CPLX2: variants seen among roughly 807,000 people sequenced by gnomAD.
CPLX2 encodes the protein complexin-2.
Under a neutral mutation model 16.3 loss-of-function variants are expected in CPLX2, and 5 were observed. The observed-to-expected ratio is 0.31, with a 90% CI of 0.16 to 0.64. The LOEUF is 0.64. Ranked by LOEUF, CPLX2 falls within the 30% of genes least tolerant of loss-of-function variation. The pLI is 0.79. For missense variants in CPLX2, 144 were observed against 181.4 expected (o/e 0.79, Z 1.18); for synonymous variants, 89 against 73.2 (o/e 1.22, Z -1.10).
At chr5:175,815,974 G>A (rs1758399669) in intron 2 of CPLX2, among the ~76,000 whole-genome samples, 1 of 152,252 alleles carries the variant, frequency 6.6e-6, no homozygotes, top group South Asian at 2.1e-4. Flanking sequence ...CAGGTCTCAA[G>A]GTTATACTGT....
Position 175,830,837 on chromosome 5 carries a change from G to C in CPLX2, c.-89+21769G>C, listed in dbSNP as rs777557389. Among the ~76,000 whole-genome samples the C allele has an allele frequency of 3.6e-4, 55 of 152,340 alleles. No homozygotes were observed. The highest frequency in any genetic ancestry group is 5.4e-4 in the Non-Finnish European group (37 of 68,034). On this transcript the variant is annotated intron_variant, in intron 2 of 4. Coordinates refer to the CPLX2 transcript ENST00000359546. This position sits in a 1 kb window ranked among gnomAD's most constrained non-coding sequence, Gnocchi z 4.0. ...GCCCAGATCTGGGAAGGAGAGCAGG[G>C]AACATGTCACCTGCCAAGGGAAGCA...
intron 2 of CPLX2, among the ~76,000 whole-genome samples, chr5:175,814,787 T>C (rs1035360572): frequency 6.6e-6 from 1 of 152,158 alleles, no homozygotes; most frequent in Non-Finnish European, 1.5e-5. Context: ...TGAGGCCGGT[T>C]TTGTCCAGGT....
intron 2 of CPLX2, among the ~76,000 whole-genome samples, chr5:175,854,111 G>A (rs1265409941): frequency 6.6e-6 from 1 of 152,122 alleles, no homozygotes; most frequent in Non-Finnish European, 1.5e-5. Context: ...CCAGCTTCAT[G>A]CCCGGTGCCC....
At chr5:175,861,217 C>G (rs1759365772) in intron 2 of CPLX2, among the ~76,000 whole-genome samples, 1 of 152,088 alleles carries the variant, frequency 6.6e-6, no homozygotes, top group Non-Finnish European at 1.5e-5. Flanking sequence ...GTTGACCATC[C>G]ACAATCAAAA....
intron 3 of CPLX2, 102 bp from the exon 4 acceptor site, chr5:175,879,746 A>T: frequency 9.3e-7 from 1 of 1,077,340 alleles, no homozygotes; most frequent in Non-Finnish European, 1.4e-6. Context: ...GAGGCTTGGG[A>T]GGCACTCCTG....
intron 2 of CPLX2, among the ~76,000 whole-genome samples, chr5:175,821,470 C>T (rs190185998): frequency 3.1e-3 from 468 of 152,224 alleles, no homozygotes; most frequent in African/African-American, 0.011. Context: ...TGCAATGGCG[C>T]GATCTCGGCT....
intron 2 of CPLX2, among the ~76,000 whole-genome samples, chr5:175,863,224 C>T (rs998661466): frequency 4.6e-5 from 7 of 152,218 alleles, no homozygotes; most frequent in Non-Finnish European, 8.8e-5. Flanking sequence ...GAACACCCAG[C>T]CCCATCAAGG....
At position 175,881,216 on chromosome 5, in the gene CPLX2, G is replaced by C. The variant is rs1391741519; in HGVS notation, c.*1171G>C. The C allele has an allele frequency of 6.5e-6, 1 of 153,336 alleles. No homozygotes were observed. Among genetic ancestry groups the C allele is most frequent in the Admixed American group, 6.5e-5 (1 of 15,296 alleles). The allele number at this position is 153,336 out of a possible 1,614,324, so 9.5% of individuals were successfully genotyped here. A position where few individuals can be genotyped will look rare whatever the true frequency, so the allele number is the denominator to read the frequency against. Reference sequence around the variant, plus strand: ...ATCCATGCATGCATGATAATGCGTGGCAGAGACTGCAACAGGGATTGTGTG... The same window carrying C: ...ATCCATGCATGCATGATAATGCGTGCCAGAGACTGCAACAGGGATTGTGTG... On this transcript the variant is annotated 3_prime_UTR_variant, in exon 4 of 4. Coordinates refer to ENST00000393745, the MANE Select transcript of CPLX2 (RefSeq NM_001008220.2).
chr5:175,815,828 C>T (rs1561771306), intron 2 of CPLX2, among the ~76,000 whole-genome samples: 1 of 152,134 alleles, frequency 6.6e-6, no homozygotes, highest in Non-Finnish European at 1.5e-5. Flanking sequence ...CACACAAGTT[C>T]GTTTGTTTTT....
At chr5:175,862,166 T>C (rs1052553330) in intron 2 of CPLX2, among the ~76,000 whole-genome samples, 4 of 152,206 alleles carry the variant, frequency 2.6e-5, no homozygotes, top group African/African-American at 9.7e-5. Flanking sequence ...AGCAACAAGA[T>C]GAGTCCCTGG....
chr5:175,801,166 A>AAAAAAC (rs1758088702), intron 1 of CPLX2, among the ~76,000 whole-genome samples: 1 of 151,500 alleles, frequency 6.6e-6, no homozygotes, highest in Non-Finnish European at 1.5e-5. Context: ...AGTGTTAAAA[A>AAAAAAC]AAAAAAAAAA....
At chr5:175,797,144 G>A (rs1757998390) in intron 1 of CPLX2, among the ~76,000 whole-genome samples, 1 of 152,184 alleles carries the variant, frequency 6.6e-6, no homozygotes, top group African/African-American at 2.4e-5. Context: ...CGCTCCCAAC[G>A]CTAGCACCGC....
At position 175,882,412 on chromosome 5, in the gene CPLX2, G is replaced by A. The variant is rs768191123; in HGVS notation, c.*2367G>A. ...CACTTGACAGGGACCTTCAAACCTC[G>A]ACAGTGATGCAAGGACACAGAGAGT... is the stretch of plus-strand genomic sequence containing the variant. On this transcript the variant is annotated 3_prime_UTR_variant, in exon 4 of 4. Transcript: ENST00000393745. 19 of 152,616 alleles carry A rather than the reference G, an allele frequency of 1.2e-4. No homozygotes were observed. Among genetic ancestry groups the A allele is most frequent in the African/African-American group, 2.9e-4 (12 of 41,418 alleles). 9.5% of individuals were successfully genotyped at this position (152,616 alleles called of 1,614,324 possible).
intron 2 of CPLX2, among the ~76,000 whole-genome samples, chr5:175,817,819 A>G (rs929679188): frequency 2.6e-5 from 4 of 152,204 alleles, no homozygotes; most frequent in African/African-American, 9.6e-5. Context: ...AAAAGGAAAC[A>G]GAGAAACCCA....
intron 1 of CPLX2, among the ~76,000 whole-genome samples, chr5:175,806,071 C>G (rs553498446): frequency 6.6e-6 from 1 of 152,342 alleles, no homozygotes; most frequent in South Asian, 2.1e-4. Context: ...CATCCTTGAG[C>G]CCCTGAGGTG....
chr5:175,819,558 A>G (rs888929699), intron 2 of CPLX2, among the ~76,000 whole-genome samples: 2 of 152,136 alleles, frequency 1.3e-5, no homozygotes, highest in African/African-American at 4.8e-5. Context: ...GTGTCTATTC[A>G]AGGCTCTGGA....
intron 3 of CPLX2, 30 bp from the exon 4 acceptor site, chr5:175,879,818 C>A: frequency 6.3e-7 from 1 of 1,591,660 alleles, no homozygotes; most frequent in Non-Finnish European, 8.6e-7. Flanking sequence ...CACCCCGCTT[C>A]ATGCGCGTCT....
intron 1 of CPLX2, among the ~76,000 whole-genome samples, chr5:175,799,754 A>C (rs1222635012): frequency 6.6e-6 from 1 of 151,036 alleles, no homozygotes; most frequent in Non-Finnish European, 1.5e-5. Context: ...GCTGGTCTCA[A>C]ACTCCTGGGC....
At chr5:175,799,297 G>C (rs1238657282) in intron 1 of CPLX2, among the ~76,000 whole-genome samples, 1 of 152,002 alleles carries the variant, frequency 6.6e-6, no homozygotes, top group African/African-American at 2.4e-5. Context: ...AAGCCCAATA[G>C]CCACATTTTA....
Sources: allele counts gnomAD v4.1 joint callset (sites outside exome capture counted in the v4.1 genomes callset), GRCh38; gene constraint gnomAD v4.1.1; non-coding constraint Gnocchi (gnomAD v3.1); transcripts MANE v1.5; gene names NCBI Gene and HGNC (gene_info 2026-07-23, HGNC 2026-07-21).